Variants in CMTM7 observed in about 807,000 individuals in gnomAD.
The protein encoded by CMTM7 is CKLF-like MARVEL transmembrane domain-containing protein 7.
A neutral mutation model predicts 19.3 loss-of-function variants in CMTM7; 7 were observed. The observed-to-expected ratio is 0.36, with a 90% CI of 0.21 to 0.68. The LOEUF (loss-of-function observed/expected upper bound fraction) is 0.68, where lower values mean the gene tolerates loss of function less well. Ranked by LOEUF, CMTM7 falls within the 30% of genes least tolerant of loss-of-function variation. The pLI, the probability that CMTM7 is intolerant of heterozygous loss-of-function variation, is 0.60. For missense variants in CMTM7, 193 were observed against 232.6 expected (o/e 0.83, Z 1.11); for synonymous variants, 87 against 99.3 (o/e 0.88, Z 0.74).
intron 1 of CMTM7, among the ~76,000 whole-genome samples, chr3:32,416,439 T>G (rs1696267232): frequency 1.9e-5 from 1 of 53,752 alleles, no homozygotes; most frequent in Non-Finnish European, 3.8e-5. Flanking sequence ...GACTGCGGAC[T>G]GACTGCAGTG....
intron 1 of CMTM7, among the ~76,000 whole-genome samples, chr3:32,397,019 G>A (rs1003537828): frequency 6.6e-6 from 1 of 152,178 alleles, no homozygotes; most frequent in African/African-American, 2.4e-5. Flanking sequence ...GTAATCTGTG[G>A]TTCAGCTTGT....
chr3:32,436,271 A>G (rs1486933303), intron 1 of CMTM7, among the ~76,000 whole-genome samples: 1 of 152,232 alleles, frequency 6.6e-6, no homozygotes, highest in East Asian at 1.9e-4. Context: ...AGAGGAAGCC[A>G]TGGGGCAGGT....
intron 1 of CMTM7, among the ~76,000 whole-genome samples, chr3:32,431,827 G>A (rs543700921): frequency 6.6e-5 from 10 of 152,294 alleles, no homozygotes; most frequent in African/African-American, 1.9e-4. Context: ...GGACTGTTGT[G>A]ATGAACTTAG....
At chr3:32,442,742 A>C (rs1347972840) in intron 2 of CMTM7, among the ~76,000 whole-genome samples, 1 of 152,064 alleles carries the variant, frequency 6.6e-6, no homozygotes, top group South Asian at 2.1e-4. Context: ...TTTTCTTCCC[A>C]CTGTATTATT....
chr3:32,453,641 GAC>G (rs2125645923), intron 4 of CMTM7, among the ~76,000 whole-genome samples: 1 of 152,320 alleles, frequency 6.6e-6, no homozygotes, highest in African/African-American at 2.4e-5. Context: ...GATTCATAGA[GAC>G]ACAAGGTAGA....
At chr3:32,416,019 G>A (rs1696256381) in intron 1 of CMTM7, among the ~76,000 whole-genome samples, 1 of 152,144 alleles carries the variant, frequency 6.6e-6, no homozygotes, top group Admixed American at 6.5e-5. Flanking sequence ...AGACATCAAG[G>A]TGATGAAGAA....
chr3:32,402,452 A>G (rs1696024841), intron 1 of CMTM7, among the ~76,000 whole-genome samples: 1 of 152,150 alleles, frequency 6.6e-6, no homozygotes, highest in African/African-American at 2.4e-5. Flanking sequence ...TGATAACCAG[A>G]GAGGCGGTAA....
At chr3:32,447,323 A>G (rs1287421061) in intron 2 of CMTM7, among the ~76,000 whole-genome samples, 1 of 152,194 alleles carries the variant, frequency 6.6e-6, no homozygotes, top group African/African-American at 2.4e-5. Context: ...ATGGTCTGAT[A>G]TATCGTCTAT....
chr3:32,402,126 G>T (rs1696017535), intron 1 of CMTM7, among the ~76,000 whole-genome samples: 1 of 152,088 alleles, frequency 6.6e-6, no homozygotes, highest in Non-Finnish European at 1.5e-5. Context: ...TTTTGAGACG[G>T]AGTCTAAAAA....
intron 4 of CMTM7, among the ~76,000 whole-genome samples, chr3:32,453,852 A>G (rs1013985429): frequency 1.3e-5 from 2 of 152,228 alleles, no homozygotes; most frequent in African/African-American, 2.4e-5. Flanking sequence ...AAGAAAAAAA[A>G]GAATGATTTT....
At chr3:32,435,231 A>T (rs1438488208) in intron 1 of CMTM7, among the ~76,000 whole-genome samples, 1 of 152,104 alleles carries the variant, frequency 6.6e-6, no homozygotes, top group South Asian at 2.1e-4. Flanking sequence ...GTGAAACCCC[A>T]TCTCTACTAC....
intron 1 of CMTM7, among the ~76,000 whole-genome samples, chr3:32,430,216 G>C (rs554938893): frequency 1.3e-5 from 2 of 152,038 alleles, no homozygotes; most frequent in African/African-American, 4.8e-5. Context: ...AAGATCCCTC[G>C]TACTTGTTTG....
chr3:32,419,782 AT>A (rs2125629648), intron 1 of CMTM7, among the ~76,000 whole-genome samples: 1 of 152,308 alleles, frequency 6.6e-6, no homozygotes, highest in East Asian at 1.9e-4. Context: ...ATATGCTAAT[AT>A]TTTATGGAGG....
chr3:32,427,698 A>T (rs1159149671), intron 1 of CMTM7, among the ~76,000 whole-genome samples: 1 of 152,196 alleles, frequency 6.6e-6, no homozygotes, highest in Non-Finnish European at 1.5e-5. Context: ...TGGAAATCTG[A>T]TCTAGAAGCA....
At chr3:32,435,001 G>A (rs987300731) in intron 1 of CMTM7, among the ~76,000 whole-genome samples, 4 of 152,200 alleles carry the variant, frequency 2.6e-5, no homozygotes, top group Admixed American at 1.3e-4. Flanking sequence ...GATTCCCTGT[G>A]GAGGGAGACA....
rs781758474 is a variant in CMTM7 at position 32,454,349 on chromosome 3, C to T, written c.*95C>T. On this transcript the variant is annotated 3_prime_UTR_variant, in exon 5 of 5. Coordinates refer to ENST00000334983, the MANE Select transcript of CMTM7 (RefSeq NM_138410.4). ...TGGACCTGTGTTCCTGTGCCAAAGT[C>T]CTGTCAGGCTGGTGGGCACCAGGAA... 1 of 1,500,772 alleles carries T rather than the reference C, an allele frequency of 6.7e-7. No individual in the cohort carries two copies. The highest frequency in any genetic ancestry group is 1.7e-5 in the Admixed American group (1 of 57,432). 93.0% of individuals were successfully genotyped at this position (1,500,772 alleles called of 1,614,324 possible).
chr3:32,423,180 C>T (rs1696370615), intron 1 of CMTM7, among the ~76,000 whole-genome samples: 3 of 152,262 alleles, frequency 2.0e-5, no homozygotes, highest in South Asian at 2.1e-4. Context: ...GCACTGTCCA[C>T]GTGCCTCTCA....
At chr3:32,425,771 T>C (rs991281282) in intron 1 of CMTM7, among the ~76,000 whole-genome samples, 1 of 152,194 alleles carries the variant, frequency 6.6e-6, no homozygotes, top group African/African-American at 2.4e-5. Context: ...TAGAACTCCT[T>C]ATAATTAGGT....
intron 1 of CMTM7, among the ~76,000 whole-genome samples, chr3:32,405,125 T>C (rs1027214104): frequency 6.6e-6 from 1 of 152,178 alleles, no homozygotes; most frequent in African/African-American, 2.4e-5. Context: ...CTAACAGCCA[T>C]GTGAGCTCGG....
Sources: allele counts gnomAD v4.1 joint callset (sites outside exome capture counted in the v4.1 genomes callset), GRCh38; gene constraint gnomAD v4.1.1; transcripts MANE v1.5; gene names NCBI Gene and HGNC (gene_info 2026-07-23, HGNC 2026-07-21).